The following INSC variants were observed in gnomAD, a reference collection of about 807,000 sequenced individuals.
INSC encodes the protein INSC spindle orientation adaptor protein, also known as protein inscuteable homolog.
INSC carries 67 observed loss-of-function variants against 58.6 expected under a neutral mutation model. That is an observed-to-expected ratio of 1.14 (90% CI 0.94 to 1.40). INSC has a LOEUF of 1.40. Ranked by LOEUF, INSC falls within the 40% of genes most tolerant of loss-of-function variation. INSC has a pLI of 0.00. For missense variants in INSC, 714 were observed against 692.0 expected (o/e 1.03, Z -0.36); for synonymous variants, 262 against 276.1 (o/e 0.95, Z 0.51).
At position 15,179,239 on chromosome 11, in the gene INSC, G is replaced by A. The variant is rs371914474; in HGVS notation, c.579+792G>A. On this transcript the variant is annotated intron_variant, in intron 5 of 12. Coordinates refer to ENST00000379556, the MANE Select transcript of INSC (RefSeq NM_001042536.3). ...TGGAAGGTGTTTAGCACATAGTGTG[G>A]GTTAAATACATGTTATTTCCCTCCC... Among the ~76,000 whole-genome samples the A allele has an allele frequency of 2.0e-5, 3 of 152,082 alleles. No homozygotes were observed. In the East Asian group the frequency reaches 5.8e-4, roughly 29 times the overall value.
chr11:15,255,765 T>TGTGTGTG, the INSC span, among the ~76,000 whole-genome samples: 1 of 151,534 alleles, frequency 6.6e-6, no homozygotes, highest in African/African-American at 2.4e-5. Context: ...TGTGTGTGTG[T>TGTGTGTG]TAGTCTCGGA....
chr11:15,244,088 C>A (rs1852468546), intron 12 of INSC, among the ~76,000 whole-genome samples: 3 of 151,972 alleles, frequency 2.0e-5, no homozygotes, highest in African/African-American at 7.3e-5. Context: ...TCCTTGTCTC[C>A]CTTCTTGCTT....
intron 8 of INSC, among the ~76,000 whole-genome samples, chr11:15,225,394 C>T (rs1004921773): frequency 6.6e-6 from 1 of 152,106 alleles, no homozygotes; most frequent in South Asian, 2.1e-4. Context: ...CCCAGTGGCA[C>T]CTGACACATA....
At chr11:15,222,873 A>C (rs1413521170) in intron 8 of INSC, among the ~76,000 whole-genome samples, 4 of 152,216 alleles carry the variant, frequency 2.6e-5, no homozygotes, top group Non-Finnish European at 5.9e-5. Flanking sequence ...TCTTGGCTCG[A>C]GGGAGCTCAA....
chr11:15,139,686 C>T (rs1341492326), intron 1 of INSC, among the ~76,000 whole-genome samples: 1 of 152,194 alleles, frequency 6.6e-6, no homozygotes, highest in Non-Finnish European at 1.5e-5. Context: ...AGATCAAAAA[C>T]ATAATGCTCA....
At chr11:15,178,529 T>C in intron 5 of INSC, 82 bp downstream of exon 5, 1 of 1,510,364 alleles carries the variant, frequency 6.6e-7, no homozygotes, top group African/African-American at 1.4e-5. Context: ...GAGCCAGGCT[T>C]GGGGAAGCTA....
At chr11:15,156,833 G>A (rs1848831062) in intron 2 of INSC, among the ~76,000 whole-genome samples, 1 of 152,202 alleles carries the variant, frequency 6.6e-6, no homozygotes, top group Non-Finnish European at 1.5e-5. Flanking sequence ...GAATACCCCT[G>A]AGGAAATATA....
intron 2 of INSC, among the ~76,000 whole-genome samples, chr11:15,170,503 A>G (rs1627020): frequency 0.76 from 115,417 of 152,012 alleles, 45,561 homozygotes; most frequent in East Asian, 0.98. Context: ...TACGTGTCCT[A>G]GGGGAAGAAT....
At chr11:15,233,096 G>C (rs1020801534) in intron 9 of INSC, among the ~76,000 whole-genome samples, 37 of 152,164 alleles carry the variant, frequency 2.4e-4, no homozygotes, top group African/African-American at 8.0e-4. Flanking sequence ...AAATGTGATA[G>C]AGCCAGGATT....
chr11:15,115,135 G>T lies in INSC; in HGVS notation c.-46+132G>T, dbSNP rs928497487. ...TGTCAGTGGGAGTGCTTGTGAAGGG[G>T]AGCTTGCGCCAGTGTGAGGGAGTGT... On this transcript the variant is annotated intron_variant, in intron 1 of 12. Coordinates refer to ENST00000379556, the MANE Select transcript of INSC (RefSeq NM_001042536.3). 6 of 503,880 alleles carry T rather than the reference G, an allele frequency of 1.2e-5. No individual in the cohort carries two copies. The African/African-American group carries it at 1.3e-4, about 11-fold the overall frequency. 31.2% of individuals were successfully genotyped at this position (503,880 alleles called of 1,614,324 possible).
At chr11:15,260,855 T>A in the INSC span, among the ~76,000 whole-genome samples, 1 of 152,154 alleles carries the variant, frequency 6.6e-6, no homozygotes, top group Non-Finnish European at 1.5e-5. Flanking sequence ...CCTCTTATGG[T>A]TTACTATTAG....
intron 5 of INSC, among the ~76,000 whole-genome samples, chr11:15,189,329 C>T (rs1190405341): frequency 6.6e-6 from 1 of 152,054 alleles, no homozygotes; most frequent in Non-Finnish European, 1.5e-5. Context: ...ATGGGCACAA[C>T]CCCCTTAAAA....
At chr11:15,240,181 A>G (rs922899882) in intron 11 of INSC, among the ~76,000 whole-genome samples, 3 of 152,180 alleles carry the variant, frequency 2.0e-5, no homozygotes, top group African/African-American at 7.2e-5. Flanking sequence ...CTTGAGAAAA[A>G]AAAAGACACA....
intron 8 of INSC, among the ~76,000 whole-genome samples, chr11:15,222,731 CAGTTA>C (rs1589988588): frequency 1.3e-5 from 2 of 152,306 alleles, no homozygotes; most frequent in East Asian, 3.9e-4. Flanking sequence ...TAGAAGACAT[CAGTTA>C]AGTTGAGTTT....
intron 7 of INSC, among the ~76,000 whole-genome samples, chr11:15,215,434 T>C (rs991894827): frequency 6.6e-6 from 1 of 152,212 alleles, no homozygotes; most frequent in African/African-American, 2.4e-5. Context: ...GGAACTAAGC[T>C]GAGCATCCCC....
At chr11:15,122,894 C>T (rs1200886882) in intron 1 of INSC, among the ~76,000 whole-genome samples, 1 of 152,138 alleles carries the variant, frequency 6.6e-6, no homozygotes, top group Admixed American at 6.5e-5. Flanking sequence ...CTTAAAAGTA[C>T]ATTAGTTGCC....
At chr11:15,149,289 C>T in intron 2 of INSC, 59 bp downstream of exon 2, 1 of 1,398,450 alleles carries the variant, frequency 7.2e-7, no homozygotes, top group South Asian at 1.8e-5. Context: ...GTGACTGAGG[C>T]CCAGTTCCAG....
rs746022560 is a variant in INSC, at chr11:15,246,037, G to A, written c.1596G>A (p.Val532=). Residue 532 remains valine (V), a synonymous_variant, in exon 13 of 13, where the codon GTG becomes GTA. Transcript: ENST00000379556. ...GCAGCAACATGGAGGAGAGTTTTGTGTAGTGAGTGTGGGCGAAGAAATACA... is the reference window on the plus strand; with the variant it reads ...GCAGCAACATGGAGGAGAGTTTTGTATAGTGAGTGTGGGCGAAGAAATACA... The part of the protein sequence containing the change: ...LLCSNMEESF[V] 9 of 1,614,048 alleles carry A rather than the reference G, an allele frequency of 5.6e-6. No homozygotes were observed. Among genetic ancestry groups the A allele is most frequent in the Admixed American group, 1.7e-5 (1 of 60,010 alleles).
At chr11:15,175,591 A>G (rs1849542492) in intron 2 of INSC, 150 bp from the exon 3 acceptor site, 2 of 527,094 alleles carry the variant, frequency 3.8e-6, no homozygotes, top group Admixed American at 7.8e-5. Context: ...GAAGAGAATG[A>G]GAAATGACTG....
Sources: allele counts gnomAD v4.1 joint callset (sites outside exome capture counted in the v4.1 genomes callset), GRCh38; gene constraint gnomAD v4.1.1; transcripts MANE v1.5; gene names NCBI Gene and HGNC (gene_info 2026-07-23, HGNC 2026-07-21).